The following GRIK3 variants were observed in gnomAD, a reference collection of about 807,000 sequenced individuals.
The protein encoded by GRIK3 is glutamate receptor ionotropic, kainate 3.
Under a neutral mutation model 102.5 loss-of-function variants are expected in GRIK3, and 29 were observed. The ratio of observed to expected loss-of-function variants is 0.28; its 90% confidence interval spans 0.21 to 0.39. GRIK3 has a LOEUF of 0.39. GRIK3 is among the 10% of genes least tolerant of loss of function. The pLI, the probability that GRIK3 is intolerant of heterozygous loss-of-function variation, is 1.00. For missense variants in GRIK3, 908 were observed against 1,252.4 expected (o/e 0.73, Z 4.15); for synonymous variants, 511 against 504.9 (o/e 1.01, Z -0.16).
At chr1:36,852,445 A>G (rs890058223) in intron 8 of GRIK3, among the ~76,000 whole-genome samples, 7 of 152,198 alleles carry the variant, frequency 4.6e-5, no homozygotes, top group African/African-American at 1.7e-4. Flanking sequence ...GGTATGTTTC[A>G]GGGAAATGTG....
chr1:36,930,880 G>A (rs1435119021), intron 1 of GRIK3, among the ~76,000 whole-genome samples: 1 of 152,222 alleles, frequency 6.6e-6, no homozygotes, highest in African/African-American at 2.4e-5. Flanking sequence ...CTGCCAGCAT[G>A]AGCTCAGCCA....
At chr1:36,922,650 T>C (rs372678021) in intron 1 of GRIK3, among the ~76,000 whole-genome samples, 1 of 152,310 alleles carries the variant, frequency 6.6e-6, no homozygotes, top group African/African-American at 2.4e-5. Flanking sequence ...AAAACCTTCC[T>C]ATGTTGAGTA....
chr1:36,885,243 C>T (rs928383063), intron 2 of GRIK3, among the ~76,000 whole-genome samples: 3 of 151,932 alleles, frequency 2.0e-5, no homozygotes, highest in African/African-American at 7.3e-5. Context: ...CAGGGGATGA[C>T]GGGATGTCAG....
At chr1:36,892,420 T>C (rs1557716173) in intron 1 of GRIK3, among the ~76,000 whole-genome samples, 2 of 151,918 alleles carry the variant, frequency 1.3e-5, no homozygotes, top group South Asian at 2.1e-4. Flanking sequence ...AAGATGACGA[T>C]TGAAGCCAAG....
intron 1 of GRIK3, among the ~76,000 whole-genome samples, chr1:36,919,338 A>AATTTTATTTTATTTTATTTT (rs59601847): frequency 6.3e-4 from 91 of 143,670 alleles, no homozygotes; most frequent in African/African-American, 2.0e-3. Flanking sequence ...GCTTTTTTAA[A>AATTTTATTTTATTTTATTTT]ATTTTATTTT....
chr1:37,010,727 C>CT (rs60750637), intron 1 of GRIK3, among the ~76,000 whole-genome samples: 2,164 of 102,472 alleles, frequency 0.021, 19 homozygotes, highest in East Asian at 0.044. Flanking sequence ...ACCTGTACCA[C>CT]TTTTTTTTTT....
intron 1 of GRIK3, among the ~76,000 whole-genome samples, chr1:36,993,038 A>G (rs1266526170): frequency 6.6e-6 from 1 of 152,088 alleles, no homozygotes; most frequent in African/African-American, 2.4e-5. Context: ...ATCAGTGCGA[A>G]CATGGCAGAT....
intron 1 of GRIK3, among the ~76,000 whole-genome samples, chr1:37,025,184 G>A (rs1642754202): frequency 6.6e-6 from 1 of 152,190 alleles, no homozygotes; most frequent in African/African-American, 2.4e-5. Context: ...AGCATGGATG[G>A]GGCCTACAAT....
chr1:37,020,161 C>T (rs1642694730), intron 1 of GRIK3, among the ~76,000 whole-genome samples: 1 of 152,142 alleles, frequency 6.6e-6, no homozygotes, highest in South Asian at 2.1e-4. Flanking sequence ...TTCTGAGAAA[C>T]ACTGAGGTCA....
intron 1 of GRIK3, among the ~76,000 whole-genome samples, chr1:36,915,379 G>A (rs965412631): frequency 3.3e-5 from 5 of 152,166 alleles, no homozygotes; most frequent in African/African-American, 7.2e-5. Context: ...ACAAGACCTG[G>A]CACATAATTG....
At chr1:36,893,649 G>T (rs567443418) in intron 1 of GRIK3, among the ~76,000 whole-genome samples, 2 of 152,316 alleles carry the variant, frequency 1.3e-5, no homozygotes, top group African/African-American at 4.8e-5. Flanking sequence ...TTTACCAAAA[G>T]CCCTAAAAAT....
rs927543830 is a variant in GRIK3 at position 36,880,541 on chromosome 1, G to C, written c.550+93C>G. On this transcript the variant is annotated intron_variant, in intron 3 of 15. Coordinates refer to ENST00000373091, the MANE Select transcript of GRIK3 (RefSeq NM_000831.4). This position sits in a 1 kb window ranked among gnomAD's most constrained non-coding sequence, Gnocchi z 5.4. ...TATGGAACACAGCCTCTTCCCCCAG[G>C]GCAGCTGTGCTGAACAAACAGACAA... The C allele has an allele frequency of 2.6e-5, 33 of 1,262,488 alleles. No individual in the cohort carries two copies. The African/African-American group carries it at 4.5e-4, about 17-fold the overall frequency. The allele number at this position is 1,262,488 out of a possible 1,614,324, so 78.2% of individuals were successfully genotyped here.
chr1:36,817,030 G>C (rs780052131), intron 13 of GRIK3, 30 bp downstream of exon 13: 11 of 1,472,998 alleles, frequency 7.5e-6, no homozygotes, highest in South Asian at 2.3e-5. Flanking sequence ...ATCAGCTCAC[G>C]GTGCTGCAAT....
At chr1:36,857,497 C>G (rs930703067) in intron 7 of GRIK3, among the ~76,000 whole-genome samples, 1 of 152,198 alleles carries the variant, frequency 6.6e-6, no homozygotes, top group Non-Finnish European at 1.5e-5. Flanking sequence ...GGTGAAGGAA[C>G]TACAAGGGAC....
At chr1:37,015,810 G>T (rs1642647363) in intron 1 of GRIK3, among the ~76,000 whole-genome samples, 1 of 152,254 alleles carries the variant, frequency 6.6e-6, no homozygotes, top group Non-Finnish European at 1.5e-5. Flanking sequence ...TTGTTATCCA[G>T]GCCCAATTAG....
intron 2 of GRIK3, among the ~76,000 whole-genome samples, chr1:36,888,024 G>T (rs1039488634): frequency 3.3e-5 from 5 of 151,990 alleles, no homozygotes; most frequent in African/African-American, 1.2e-4. Flanking sequence ...ACTGTGACCC[G>T]CATACTTCCA....
At chr1:36,887,415 T>C (rs958009588) in intron 2 of GRIK3, among the ~76,000 whole-genome samples, 5 of 152,210 alleles carry the variant, frequency 3.3e-5, no homozygotes, top group Non-Finnish European at 7.3e-5. Flanking sequence ...ATGTAATGCA[T>C]ATATGCAATA....
chr1:36,882,610 T>G (rs902120788), intron 2 of GRIK3, among the ~76,000 whole-genome samples: 1 of 152,152 alleles, frequency 6.6e-6, no homozygotes, highest in South Asian at 2.1e-4. Flanking sequence ...CTGACCTTCC[T>G]AGTTCACAGC....
rs1237468428 is a variant in GRIK3 at position 36,850,323 on chromosome 1, G to A, written c.1314C>T (p.Val438=). The A allele has an allele frequency of 5.0e-6, 8 of 1,604,992 alleles. No individual in the cohort carries two copies. The highest frequency in any genetic ancestry group is 6.0e-6 in the Non-Finnish European group (7 of 1,171,790). Residue 438 remains valine, a synonymous_variant, in exon 9 of 16, where the codon GTC becomes GTT. Transcript: ENST00000373091. This position sits in a 1 kb window ranked among gnomAD's most constrained non-coding sequence, Gnocchi z 4.0. ...TGCAGGCTCTTACCAGCACTGTGGT[G>A]ACAATGAGTGATCTGTTTGTCAGAG... ...TDSLTNRSLI[V]TTVLEEPFVM...
Sources: allele counts gnomAD v4.1 joint callset (sites outside exome capture counted in the v4.1 genomes callset), GRCh38; gene constraint gnomAD v4.1.1; non-coding constraint Gnocchi (gnomAD v3.1); transcripts MANE v1.5; gene names NCBI Gene and HGNC (gene_info 2026-07-23, HGNC 2026-07-21).